Variants in TRMU observed in about 807,000 individuals in gnomAD.
TRMU encodes the protein tRNA mitochondrial 2-thiouridylase.
A neutral mutation model predicts 46.9 loss-of-function variants in TRMU; 49 were observed. That is an observed-to-expected ratio of 1.05 (90% CI 0.83 to 1.33). The LOEUF is 1.33. TRMU is among the 40% of genes most tolerant of loss of function. The pLI is 0.00. For missense variants in TRMU, 572 were observed against 532.4 expected (o/e 1.07, Z -0.73); for synonymous variants, 241 against 200.9 (o/e 1.20, Z -1.69).
Position 46,349,395 on chromosome 22 carries a change from G to A in TRMU, c.479-896G>A, listed in dbSNP as rs2078345647. On this transcript the variant is annotated intron_variant, in intron 4 of 10. Coordinates refer to ENST00000645190, the MANE Select transcript of TRMU (RefSeq NM_018006.5). The surrounding 1 kb of genome is among the most constrained non-coding windows in gnomAD (Gnocchi z 4.6). ...ATTCTCCCTCTCACGGCTAACGTGG[G>A]AATCGGCAGATGGAAAACACTAGCT... Among the ~76,000 whole-genome samples the A allele has an allele frequency of 6.6e-6, 1 of 151,574 alleles. No individual in the cohort carries two copies. The highest frequency in any genetic ancestry group is 1.5e-5 in the Non-Finnish European group (1 of 68,038).
Position 46,355,825 on chromosome 22 carries a change from T to G in TRMU, c.1019-165T>G, listed in dbSNP as rs182245615. 357 of 987,616 alleles carry G rather than the reference T, an allele frequency of 3.6e-4. 1 individual carries two copies. In the African/African-American group the frequency reaches 6.0e-3, roughly 17 times the overall value. 61.2% of individuals were successfully genotyped at this position (987,616 alleles called of 1,614,324 possible). A position where few individuals can be genotyped will look rare whatever the true frequency, so the allele number is the denominator to read the frequency against. On this transcript the variant is annotated intron_variant, in intron 9 of 10. Coordinates refer to ENST00000645190, the MANE Select transcript of TRMU (RefSeq NM_018006.5). ...GTTGGGCTGAAGCAAGTGTGTACAC[T>G]GCCCCGCAGTGTCCTGCTGCGTCCA...
In TRMU at chr22:46,356,874, G is replaced by C. The variant is rs769570695; in HGVS notation, c.1134G>C (p.Leu378=). 6.2e-7 allele frequency: 1 copy of C among 1,613,476 alleles called. No homozygotes were observed. The highest frequency in any genetic ancestry group is 1.1e-5 in the South Asian group (1 of 91,080). ...FAVFYKGDEC[L]GSGKILRLGP... is the part of the protein sequence containing the mutation. Reference sequence around the variant, plus strand: ...TGTTCTACAAGGGGGACGAGTGCCTGGGCAGCGGGAAGATCCTGCGGCTGG... The same window carrying C: ...TGTTCTACAAGGGGGACGAGTGCCTCGGCAGCGGGAAGATCCTGCGGCTGG... The change falls in exon 11 of 11, where the codon CTG becomes CTC. Residue 378 remains leucine (L), a synonymous_variant. Transcript: ENST00000645190.
At position 46,356,111 on chromosome 22, in the gene TRMU, C is replaced by T. The variant is rs368421927; in HGVS notation, c.1101+39C>T. On this transcript the variant is annotated intron_variant, in intron 10 of 10. Transcript: ENST00000645190. ...GGGGGTGAGCCCGGGGAGGACTGTA[C>T]TGCTCTGCACCCTGCCAGGGCACCC... 10 of 1,609,640 alleles carry T rather than the reference C, an allele frequency of 6.2e-6. No individual in the cohort carries two copies. In the Admixed American group the frequency reaches 1.0e-4, roughly 16 times the overall value.
In TRMU at chr22:46,355,295, T is replaced by C. The variant is rs1259789597; in HGVS notation, c.874-149T>C. 17 of 1,261,054 alleles carry C rather than the reference T, an allele frequency of 1.3e-5. No individual in the cohort carries two copies. In the African/African-American group the frequency reaches 2.2e-4, roughly 17 times the overall value. The allele number at this position is 1,261,054 out of a possible 1,614,324, so 78.1% of individuals were successfully genotyped here. On this transcript the variant is annotated intron_variant, in intron 8 of 10. Coordinates refer to ENST00000645190, the MANE Select transcript of TRMU (RefSeq NM_018006.5). Reference sequence around the variant, plus strand: ...AAGGCCCGGCGGGTGATGAGATGAATTTCTGTGGGTAGAACACTTCGAGCG... The same window carrying C: ...AAGGCCCGGCGGGTGATGAGATGAACTTCTGTGGGTAGAACACTTCGAGCG...
In TRMU at chr22:46,351,818, CAGGACAGTGGCCTGA is replaced by C; in HGVS notation, c.652-297_652-283del. 2.0e-6 allele frequency: 1 copy of C among 488,658 alleles called. No individual in the cohort carries two copies. The highest frequency in any genetic ancestry group is 1.9e-5 in the African/African-American group (1 of 51,316). 30.3% of individuals were successfully genotyped at this position (488,658 alleles called of 1,614,324 possible). On this transcript the variant is annotated intron_variant, in intron 5 of 10. Transcript: ENST00000645190. This position sits in a 1 kb window ranked among gnomAD's most constrained non-coding sequence, Gnocchi z 6.4. ...GTCCCTGTCTCTCCCCCACTCCTCG[CAGGACAGTGGCCTGA>C]AGGACCTGACCGGGTTCTGCTTTCT...
At chr22:46,343,926 A>G (rs1338282193) in intron 3 of TRMU, among the ~76,000 whole-genome samples, 1 of 152,084 alleles carries the variant, frequency 6.6e-6, no homozygotes, top group Non-Finnish European at 1.5e-5. Flanking sequence ...TTCAGCAATG[A>G]TGTAGATTAG....
Position 46,350,508 on chromosome 22 carries a change from C to T in TRMU, c.651+45C>T. The T allele has an allele frequency of 6.2e-7, 1 of 1,610,066 alleles. No homozygotes were observed. Among genetic ancestry groups the T allele is most frequent in the Non-Finnish European group, 8.5e-7 (1 of 1,178,016 alleles). ...TTTGATTAGTGCCTGTTTCCCTTTC[C>T]CGACTGCATGGCACGGAGCAGCTGG... On this transcript the variant is annotated intron_variant, in intron 5 of 10. Transcript: ENST00000645190. This position sits in a 1 kb window ranked among gnomAD's most constrained non-coding sequence, Gnocchi z 4.6.
Position 46,350,604 on chromosome 22 carries a change from G to A in TRMU, c.651+141G>A. ...AAAGGCGGGCCTTGGAGCAATAGAT[G>A]GAGGAGTTTGCTGAGGCGCACGGTA... is the stretch of plus-strand genomic sequence containing the variant. On this transcript the variant is annotated intron_variant, in intron 5 of 10. Coordinates refer to ENST00000645190, the MANE Select transcript of TRMU (RefSeq NM_018006.5). This position sits in a 1 kb window ranked among gnomAD's most constrained non-coding sequence, Gnocchi z 4.6. 1.9e-6 allele frequency: 2 copies of A among 1,073,404 alleles called. No homozygotes were observed. The highest frequency in any genetic ancestry group is 2.8e-6 in the Non-Finnish European group (2 of 716,780). The allele number at this position is 1,073,404 out of a possible 1,614,324, so 66.5% of individuals were successfully genotyped here.
In TRMU at chr22:46,350,224, A is replaced by C; in HGVS notation, c.479-67A>C. On this transcript the variant is annotated intron_variant, in intron 4 of 10. Transcript: ENST00000645190. The surrounding 1 kb of genome is among the most constrained non-coding windows in gnomAD (Gnocchi z 4.6). ...GTAGTCTGTCTAAGTGAACAGAAGGACATTGTTGAAAGTGAAGTATCATTA... is the reference window on the plus strand; with the variant it reads ...GTAGTCTGTCTAAGTGAACAGAAGGCCATTGTTGAAAGTGAAGTATCATTA... The C allele has an allele frequency of 6.3e-7, 1 of 1,595,084 alleles. No homozygotes were observed. The highest frequency in any genetic ancestry group is 8.6e-7 in the Non-Finnish European group (1 of 1,164,074).
At position 46,343,199 on chromosome 22, in the gene TRMU, CT is replaced by C. The variant is rs367879331; in HGVS notation, c.249-48del. ...TACATTAAACAAGCAATTTAGTGAA[CT>C]TTTTTTTTTTTTTTGAGGAATGTTT... is the stretch of plus-strand genomic sequence containing the variant. On this transcript the variant is annotated intron_variant, in intron 2 of 10. Coordinates refer to ENST00000645190, the MANE Select transcript of TRMU (RefSeq NM_018006.5). 91,316 of 918,306 alleles carry C rather than the reference CT, an allele frequency of 0.099. 206 individuals are homozygous for C. Among genetic ancestry groups the C allele is most frequent in the African/African-American group, 0.13 (7,125 of 56,936 alleles). The allele number at this position is 918,306 out of a possible 1,614,324, so 56.9% of individuals were successfully genotyped here. A position where few individuals can be genotyped will look rare whatever the true frequency, so the allele number is the denominator to read the frequency against.
intron 4 of TRMU, 79 bp downstream of exon 4, chr22:46,346,623 C>G: frequency 1.3e-6 from 2 of 1,502,620 alleles, no homozygotes; most frequent in South Asian, 1.1e-5. Flanking sequence ...TGGGTTGTGC[C>G]TGAGGATCAC....
intron 7 of TRMU, 45 bp downstream of exon 7, chr22:46,352,375 T>G (rs969574121): frequency 6.2e-6 from 10 of 1,605,050 alleles, no homozygotes; most frequent in Non-Finnish European, 8.5e-6. Flanking sequence ...TGCCTAGAGC[T>G]GTGGCGTTTC....
rs1184328658 is a variant in TRMU, at chr22:46,338,354, GAAAC to G, written c.248+418_248+421del. 8 of 255,974 alleles carry G rather than the reference GAAAC, an allele frequency of 3.1e-5. No homozygotes were observed. The highest frequency in any genetic ancestry group is 9.7e-5 in the Admixed American group (2 of 20,666). 15.9% of individuals were successfully genotyped at this position (255,974 alleles called of 1,614,324 possible). A position where few individuals can be genotyped will look rare whatever the true frequency, so the allele number is the denominator to read the frequency against. ...ACATGGCCTGTGCCTCTGAAAACAA[GAAAC>G]AAACAAAAACTTTTCTAAAATCCAA... On this transcript the variant is annotated intron_variant, in intron 2 of 10. Coordinates refer to ENST00000645190, the MANE Select transcript of TRMU (RefSeq NM_018006.5). This position sits in a 1 kb window ranked among gnomAD's most constrained non-coding sequence, Gnocchi z 4.5.
rs1440747124 is a variant in TRMU at position 46,348,708 on chromosome 22, T to G, written c.479-1583T>G. 6.6e-6 allele frequency among the ~76,000 whole-genome samples: 1 copy of G among 152,214 alleles called. No individual in the cohort carries two copies. Among genetic ancestry groups the G allele is most frequent in the Non-Finnish European group, 1.5e-5 (1 of 68,036 alleles). ...AGCAGTTCAGTTAGGGTCGCCAGCT[T>G]GCTTTTTTGAAAATCATAGATTTTT... On this transcript the variant is annotated intron_variant, in intron 4 of 10. Transcript: ENST00000645190. The surrounding 1 kb of genome is among the most constrained non-coding windows in gnomAD (Gnocchi z 4.8).
At chr22:46,355,285 A>G in intron 8 of TRMU, 159 bp from the exon 9 acceptor site, 1 of 1,135,144 alleles carries the variant, frequency 8.8e-7, no homozygotes, top group Non-Finnish European at 1.3e-6. Context: ...CCGGCGGGTG[A>G]TGAGATGAAT....
rs150043707 is a variant in TRMU, at chr22:46,356,986, G to T, written c.1246G>T (p.Gly416Cys). The change falls in exon 11 of 11, where the codon GGC (glycine) becomes TGC (cysteine). Residue 416 changes from glycine (G) to cysteine (C), a missense_variant. Transcript: ENST00000645190. ...SPSDSPEDGP[G>C]LSPLL ...CAGTGACAGCCCAGAAGATGGTCCA[G>T]GCCTGAGTCCCTTGCTCTGACAGAG... 34 of 1,613,476 alleles carry T rather than the reference G, an allele frequency of 2.1e-5. No homozygotes were observed. Among genetic ancestry groups the T allele is most frequent in the Non-Finnish European group, 2.6e-5 (31 of 1,180,034 alleles).
intron 3 of TRMU, 23 bp from the exon 4 acceptor site, chr22:46,346,399 C>T: frequency 6.2e-7 from 1 of 1,609,430 alleles, no homozygotes; most frequent in Middle Eastern, 1.7e-4. Flanking sequence ...AAACCTGATC[C>T]TTGTGTTCTA....
At chr22:46,355,138 G>A in intron 8 of TRMU, 1 of 505,952 alleles carries the variant, frequency 2.0e-6, no homozygotes, top group Middle Eastern at 5.4e-4. Flanking sequence ...GTTGCAGGTA[G>A]AGGGCCTGAG....
At chr22:46,353,382 A>G (rs930713508) in intron 7 of TRMU, 1 of 299,710 alleles carries the variant, frequency 3.3e-6, no homozygotes. Context: ...TGATGCAGTT[A>G]CTGCATTAGA....
Sources: allele counts gnomAD v4.1 joint callset (sites outside exome capture counted in the v4.1 genomes callset), GRCh38; gene constraint gnomAD v4.1.1; non-coding constraint Gnocchi (gnomAD v3.1); transcripts MANE v1.5; gene names NCBI Gene and HGNC (gene_info 2026-07-23, HGNC 2026-07-21).